Variants in GRID2 observed in about 807,000 individuals in gnomAD.
The protein encoded by GRID2 is glutamate receptor ionotropic, delta-2.
In GRID2, 33 loss-of-function variants were observed where a neutral mutation model predicts 114.8. The observed-to-expected ratio is 0.29, with a 90% confidence interval of 0.22 to 0.38. GRID2 has a LOEUF of 0.38. Among genes scored for constraint, GRID2 ranks in the 10% least tolerant of loss-of-function variants. GRID2 has a pLI of 1.00. For synonymous variants in GRID2, 505 were observed against 449.9 expected, an observed-to-expected ratio of 1.12 and a Z score of -1.55; for missense variants, 1,184 against 1,257.7, an observed-to-expected ratio of 0.94 and a Z score of 0.89.
Position 92,740,661 on chromosome 4 carries a change from T to G in GRID2, c.244+150375T>G, listed in dbSNP as rs1487359266. Among the ~76,000 whole-genome samples, 5 of 151,764 alleles carry G rather than the reference T, an allele frequency of 3.3e-5. No individual in the cohort carries two copies. In the East Asian group the frequency reaches 7.8e-4, roughly 24 times the overall value. ...TCTCACTCATAATGGTAGCACATCA[T>G]GTTTATTCTGCATAGATAGATAGAT... On this transcript the variant is annotated intron_variant, in intron 2 of 15. Coordinates refer to ENST00000282020, the MANE Select transcript of GRID2 (RefSeq NM_001510.4).
intron 1 of GRID2, among the ~76,000 whole-genome samples, chr4:92,459,241 C>A (rs1721360297): frequency 6.6e-6 from 1 of 151,940 alleles, no homozygotes; most frequent in Admixed American, 6.6e-5. Context: ...TTAAATAAAT[C>A]AATATTCAAA....
At chr4:93,455,361 A>G (rs1723078793) in intron 10 of GRID2, among the ~76,000 whole-genome samples, 1 of 152,122 alleles carries the variant, frequency 6.6e-6, no homozygotes, top group South Asian at 2.1e-4. Flanking sequence ...AAAATGACCC[A>G]CGAAAAAAGA....
chr4:93,682,030 A>T lies in GRID2; in HGVS notation c.2360+55595A>T, dbSNP rs567195303. On this transcript the variant is annotated intron_variant, in intron 14 of 15. Transcript: ENST00000282020. ...GGGAGAAAATTTTCACAACCTACTCATCTGACAAAGGGCTAATATCCAGAA... is the reference window on the plus strand; with the variant it reads ...GGGAGAAAATTTTCACAACCTACTCTTCTGACAAAGGGCTAATATCCAGAA... Among the ~76,000 whole-genome samples the T allele has an allele frequency of 3.1e-3, 466 of 151,814 alleles. 11 individuals carry two copies. Among genetic ancestry groups the T allele is most frequent in the African/African-American group, 0.01 (428 of 41,182 alleles).
chr4:92,533,887 T>G (rs555999420), intron 1 of GRID2, among the ~76,000 whole-genome samples: 1 of 152,170 alleles, frequency 6.6e-6, no homozygotes, highest in East Asian at 1.9e-4. Context: ...TTCTGTTAGC[T>G]GTAGATTCTA....
intron 2 of GRID2, among the ~76,000 whole-genome samples, chr4:92,707,880 G>A (rs1735030190): frequency 6.6e-6 from 1 of 152,086 alleles, no homozygotes. Context: ...GATGAATTCT[G>A]TGAGAGAAAG....
In GRID2 at chr4:93,015,941, A is replaced by G. The variant is rs915440371; in HGVS notation, c.245-69054A>G. On this transcript the variant is annotated intron_variant, in intron 2 of 15. Coordinates refer to ENST00000282020, the MANE Select transcript of GRID2 (RefSeq NM_001510.4). The stretch of plus-strand genomic sequence containing the variant: ...TGCAATACAAGATAAGCACATGTAA[A>G]TAACAAATACAAACCAAAGTTGGAT... Among the ~76,000 whole-genome samples, 8 of 152,284 alleles carry G rather than the reference A, an allele frequency of 5.3e-5. No homozygotes were observed. In the East Asian group the frequency reaches 5.8e-4, roughly 11 times the overall value.
At chr4:93,210,436 G>C (rs1743322525) in intron 5 of GRID2, among the ~76,000 whole-genome samples, 1 of 152,008 alleles carries the variant, frequency 6.6e-6, no homozygotes, top group African/African-American at 2.4e-5. Context: ...CTGTTCTGCT[G>C]CATTCATCTA....
intron 2 of GRID2, among the ~76,000 whole-genome samples, chr4:93,021,113 T>A (rs1723239907): frequency 6.6e-6 from 1 of 151,836 alleles, no homozygotes; most frequent in South Asian, 2.1e-4. Context: ...CCATTAATAA[T>A]TGATAATTGA....
intron 2 of GRID2, among the ~76,000 whole-genome samples, chr4:92,769,119 G>T (rs533866687): frequency 6.6e-6 from 1 of 152,286 alleles, no homozygotes; most frequent in African/African-American, 2.4e-5. Context: ...ACAATGGGGG[G>T]TACAGACATT....
At chr4:92,412,089 T>C (rs1260418908) in intron 1 of GRID2, among the ~76,000 whole-genome samples, 1 of 151,818 alleles carries the variant, frequency 6.6e-6, no homozygotes, top group Non-Finnish European at 1.5e-5. Context: ...TCAATTTTAA[T>C]TGCAATTATA....
intron 2 of GRID2, among the ~76,000 whole-genome samples, chr4:92,737,134 CTA>C (rs1736636473): frequency 6.6e-6 from 1 of 152,060 alleles, no homozygotes; most frequent in Non-Finnish European, 1.5e-5. Context: ...TTCCACGTGA[CTA>C]TTGGCATGTA....
chr4:93,544,933 T>G (rs1006401212), intron 13 of GRID2, among the ~76,000 whole-genome samples: 6 of 152,208 alleles, frequency 3.9e-5, no homozygotes, highest in African/African-American at 1.4e-4. Flanking sequence ...TAGAGGTGAC[T>G]GCCTCATTCT....
chr4:92,463,148 C>T (rs1721577820), intron 1 of GRID2, among the ~76,000 whole-genome samples: 2 of 151,840 alleles, frequency 1.3e-5, no homozygotes, highest in African/African-American at 4.8e-5. Context: ...AAATATGTAA[C>T]TAGTTAGTGT....
chr4:93,130,958 C>G lies in GRID2; in HGVS notation c.735+20005C>G, dbSNP rs192848070. On this transcript the variant is annotated intron_variant, in intron 4 of 15. Coordinates refer to ENST00000282020, the MANE Select transcript of GRID2 (RefSeq NM_001510.4). ...CAATTGCATCCTTTCTGCCTTTCATCTTTCTATGAGAGTGTCTCACATTGC... is the reference window on the plus strand; with the variant it reads ...CAATTGCATCCTTTCTGCCTTTCATGTTTCTATGAGAGTGTCTCACATTGC... 1.2e-4 allele frequency among the ~76,000 whole-genome samples: 19 copies of G among 152,186 alleles called. 1 individual carries two copies. The East Asian group carries it at 2.7e-3, about 22-fold the overall frequency.
At chr4:93,565,567 A>C (rs1263060325) in intron 13 of GRID2, among the ~76,000 whole-genome samples, 8 of 152,222 alleles carry the variant, frequency 5.3e-5, no homozygotes, top group Admixed American at 1.3e-4. Context: ...AATACATTCT[A>C]AATGCAAACA....
chr4:93,525,910 T>A (rs1056776197), intron 13 of GRID2, among the ~76,000 whole-genome samples: 2 of 152,230 alleles, frequency 1.3e-5, no homozygotes, highest in African/African-American at 4.8e-5. Flanking sequence ...CATTATATTC[T>A]CAAACTTCTT....
At chr4:92,399,805 C>T (rs1350788846) in intron 1 of GRID2, among the ~76,000 whole-genome samples, 1 of 151,780 alleles carries the variant, frequency 6.6e-6, no homozygotes, top group African/African-American at 2.4e-5. Flanking sequence ...AGATATATCT[C>T]AACTATTCAA....
chr4:92,680,782 G>A (rs1733612726), intron 2 of GRID2, among the ~76,000 whole-genome samples: 1 of 152,234 alleles, frequency 6.6e-6, no homozygotes, highest in African/African-American at 2.4e-5. Flanking sequence ...AGTGTACAAG[G>A]CATATGCATT....
intron 13 of GRID2, among the ~76,000 whole-genome samples, chr4:93,577,013 G>A (rs768574373): frequency 4.6e-5 from 7 of 152,160 alleles, no homozygotes; most frequent in Non-Finnish European, 1.0e-4. Context: ...CTAGGTCCAT[G>A]TTTTTAATAT....
Sources: allele counts gnomAD v4.1 joint callset (sites outside exome capture counted in the v4.1 genomes callset), GRCh38; gene constraint gnomAD v4.1.1; transcripts MANE v1.5; gene names NCBI Gene and HGNC (gene_info 2026-07-23, HGNC 2026-07-21).